KANSL1: variants seen among roughly 807,000 people sequenced by gnomAD.
KANSL1 encodes the protein KAT8 regulatory NSL complex subunit 1, also known as MLL1/MLL complex subunit KANSL1.
KANSL1 carries 22 observed loss-of-function variants against 103.6 expected under a neutral mutation model. The observed-to-expected ratio is 0.21, with a 90% CI of 0.15 to 0.30. The LOEUF (loss-of-function observed/expected upper bound fraction) is 0.30, where lower values mean the gene tolerates loss of function less well. Among genes scored for constraint, KANSL1 ranks in the 10% least tolerant of loss-of-function variants. The pLI is 1.00. For synonymous variants in KANSL1, 600 were observed against 527.6 expected (o/e 1.14, Z -1.88); for missense variants, 1,337 against 1,399.8 (o/e 0.96, Z 0.72).
chr17:46,191,661 A>G (rs1354223509), intron 1 of KANSL1, among the ~76,000 whole-genome samples: 3 of 152,264 alleles, frequency 2.0e-5, no homozygotes, highest in Non-Finnish European at 4.4e-5. Flanking sequence ...TCCGACTCTA[A>G]AACTAAAACA....
intron 1 of KANSL1, among the ~76,000 whole-genome samples, chr17:46,220,270 G>T (rs183967982): frequency 2.3e-3 from 347 of 150,364 alleles, no homozygotes; most frequent in African/African-American, 7.8e-3. Context: ...AGACTGGAGT[G>T]CAGTGGCACG....
intron 4 of KANSL1, among the ~76,000 whole-genome samples, chr17:46,069,850 C>T (rs2078512367): frequency 6.6e-6 from 1 of 151,992 alleles, no homozygotes; most frequent in Non-Finnish European, 1.5e-5. Flanking sequence ...AAACTATATA[C>T]ACAGACAAGT....
At chr17:46,055,238 T>C (rs994497597) in intron 6 of KANSL1, among the ~76,000 whole-genome samples, 9 of 151,644 alleles carry the variant, frequency 5.9e-5, no homozygotes, top group Admixed American at 1.3e-4. Context: ...CCAAGGCAGG[T>C]GGATCACCTG....
At chr17:46,122,279 T>C (rs1227741972) in intron 2 of KANSL1, among the ~76,000 whole-genome samples, 1 of 152,252 alleles carries the variant, frequency 6.6e-6, no homozygotes, top group African/African-American at 2.4e-5. Flanking sequence ...GAGACTAGCC[T>C]GCTGCCTTCG....
At chr17:46,212,028 A>G (rs531678096) in intron 1 of KANSL1, among the ~76,000 whole-genome samples, 1 of 152,372 alleles carries the variant, frequency 6.6e-6, no homozygotes, top group South Asian at 2.1e-4. Context: ...CCGGACAGAC[A>G]GACTCAAGGA....
chr17:46,061,658 A>G (rs1268075505), intron 6 of KANSL1, among the ~76,000 whole-genome samples: 1 of 152,202 alleles, frequency 6.6e-6, no homozygotes, highest in African/African-American at 2.4e-5. Context: ...ACCACACCCT[A>G]GTGGTTATTC....
At chr17:46,202,321 T>C (rs2047832175) in intron 1 of KANSL1, among the ~76,000 whole-genome samples, 1 of 152,128 alleles carries the variant, frequency 6.6e-6, no homozygotes, top group African/African-American at 2.4e-5. Context: ...ATCTGAAAAA[T>C]CTGAAATCCA....
chr17:46,046,839 GTAA>G (rs2077528125), intron 7 of KANSL1, among the ~76,000 whole-genome samples: 1 of 19,566 alleles, frequency 5.1e-5, no homozygotes. Flanking sequence ...TGTCTCAAAA[GTAA>G]AAAAAAAAAA....
chr17:46,052,431 C>T (rs891812680), intron 6 of KANSL1, among the ~76,000 whole-genome samples: 2 of 150,690 alleles, frequency 1.3e-5, no homozygotes, highest in African/African-American at 4.9e-5. Flanking sequence ...ATGGTGAAAC[C>T]CCGACTCTAC....
At chr17:46,036,439 T>C (rs919526907) in intron 10 of KANSL1, among the ~76,000 whole-genome samples, 2 of 152,222 alleles carry the variant, frequency 1.3e-5, no homozygotes, top group Admixed American at 1.3e-4. Flanking sequence ...AAAAATTGTG[T>C]CTGTACTGAA....
At chr17:46,220,892 T>C (rs188722879) in intron 1 of KANSL1, among the ~76,000 whole-genome samples, 78 of 152,272 alleles carry the variant, frequency 5.1e-4, no homozygotes, top group African/African-American at 1.8e-3. Flanking sequence ...TTCACCATAT[T>C]GGCCAGGCTG....
chr17:46,071,201 C>T (rs1206969145), intron 4 of KANSL1, among the ~76,000 whole-genome samples: 1 of 152,120 alleles, frequency 6.6e-6, no homozygotes, highest in Non-Finnish European at 1.5e-5. Context: ...ACAGGCAACA[C>T]ATTATTAACA....
intron 4 of KANSL1, among the ~76,000 whole-genome samples, chr17:46,078,270 T>C (rs535004150): frequency 2.0e-5 from 3 of 152,358 alleles, no homozygotes; most frequent in Admixed American, 2.0e-4. Context: ...CCTCAGGTTT[T>C]TGCCAAGTCT....
chr17:46,119,392 C>T (rs2043185011), intron 2 of KANSL1, among the ~76,000 whole-genome samples: 1 of 151,882 alleles, frequency 6.6e-6, no homozygotes, highest in South Asian at 2.1e-4. Context: ...ACTGCAACCT[C>T]CGCTTCCCAG....
Position 46,031,516 on chromosome 17 carries a change from A to T in KANSL1, c.3278T>A (p.Leu1093Gln), listed in dbSNP as rs2077005662. Residue 1093 changes from leucine to glutamine, a missense_variant, in exon 15 of 15, where the codon CTG (leucine) becomes CAG (glutamine). Physicochemically the swap from Leu to Gln is moderately radical, Grantham distance 113. Coordinates refer to ENST00000432791, the MANE Select transcript of KANSL1 (RefSeq NM_015443.4). Reference protein sequence around the residue: ...PPIVPLKSRHLVAAATAQRPT... With the variant: ...PPIVPLKSRHQVAAATAQRPT... ...GCGCTGAGCTGTGGCTGCTGCCACC[A>T]GATGCCGACTCTTGAGGGGGACAAT... 6.2e-7 allele frequency: 1 copy of T among 1,613,682 alleles called. No individual in the cohort carries two copies. Among genetic ancestry groups the T allele is most frequent in the South Asian group, 1.1e-5 (1 of 91,036 alleles).
At chr17:46,208,684 A>C (rs1289557599) in intron 1 of KANSL1, among the ~76,000 whole-genome samples, 1 of 151,370 alleles carries the variant, frequency 6.6e-6, no homozygotes, top group African/African-American at 2.4e-5. Flanking sequence ...CTGATCTTAG[A>C]GACAGGATCT....
At chr17:46,119,463 C>T (rs1349642598) in intron 2 of KANSL1, among the ~76,000 whole-genome samples, 2 of 152,008 alleles carry the variant, frequency 1.3e-5, no homozygotes, top group South Asian at 2.1e-4. Context: ...CACGCCACCA[C>T]GTCCAGCTAA....
chr17:46,158,155 G>A (rs1424364201), intron 2 of KANSL1, among the ~76,000 whole-genome samples: 1 of 152,106 alleles, frequency 6.6e-6, no homozygotes, highest in Non-Finnish European at 1.5e-5. Flanking sequence ...GACATTTGAC[G>A]GTGCAAAAAG....
At chr17:46,221,849 ACTACAT>A (rs1476306733) in intron 1 of KANSL1, 211 of 152,162 alleles carry the variant, frequency 1.4e-3, no homozygotes, top group African/African-American at 5.0e-3. Context: ...CCAATCTGAA[ACTACAT>A]CTTAGAAATG....
Sources: allele counts gnomAD v4.1 joint callset (sites outside exome capture counted in the v4.1 genomes callset), GRCh38; gene constraint gnomAD v4.1.1; transcripts MANE v1.5; gene names NCBI Gene and HGNC (gene_info 2026-07-23, HGNC 2026-07-21).